The following UBAP2 variants were observed in gnomAD, a reference collection of about 807,000 sequenced individuals.
UBAP2 encodes ubiquitin associated protein 2.
UBAP2 carries 75 observed loss-of-function variants against 139.6 expected under a neutral mutation model. The observed-to-expected ratio is 0.54, with a 90% CI of 0.45 to 0.65. The LOEUF is 0.65. Among genes scored for constraint, UBAP2 ranks in the 30% least tolerant of loss-of-function variants. UBAP2 has a pLI of 0.00. For missense variants in UBAP2, 1,368 were observed against 1,369.6 expected (o/e 1.00, Z 0.02); for synonymous variants, 526 against 526.2 (o/e 1.00, Z 0.01).
intron 12 of UBAP2, among the ~76,000 whole-genome samples, chr9:33,951,241 T>TA (rs1372214255): frequency 6.6e-6 from 1 of 151,750 alleles, no homozygotes; most frequent in African/African-American, 2.4e-5. Context: ...GGTCTCAAAT[T>TA]CCTGGCATCT....
In UBAP2 at chr9:33,996,207, A is replaced by C; in HGVS notation, c.288+16T>G. Reference sequence around the variant, plus strand: ...GAGACAAATGTAAACAATGCAAATCAATTAATAATACTTACTGTGTCTGAA... The same window carrying C: ...GAGACAAATGTAAACAATGCAAATCCATTAATAATACTTACTGTGTCTGAA... On this transcript the variant is annotated intron_variant, in intron 4 of 28. Coordinates refer to ENST00000379238, the MANE Select transcript of UBAP2 (RefSeq NM_001370062.2). The C allele has an allele frequency of 1.0e-5, 16 of 1,577,634 alleles. No individual in the cohort carries two copies. Among genetic ancestry groups the C allele is most frequent in the Non-Finnish European group, 1.4e-5 (16 of 1,149,672 alleles).
intron 6 of UBAP2, among the ~76,000 whole-genome samples, chr9:33,976,299 A>G (rs1239250774): frequency 6.6e-6 from 1 of 152,252 alleles, no homozygotes; most frequent in African/African-American, 2.4e-5. Flanking sequence ...ACATTATATT[A>G]TATTGCCATA....
At chr9:34,008,305 C>T (rs562618088) in intron 2 of UBAP2, among the ~76,000 whole-genome samples, 4 of 129,400 alleles carry the variant, frequency 3.1e-5, no homozygotes, top group African/African-American at 1.3e-4. Flanking sequence ...GCAACAAGAG[C>T]GAAACTCCGT....
In UBAP2 at chr9:33,936,439, G is replaced by A. The variant is rs577341080; in HGVS notation, c.1930-561C>T. 9.2e-5 allele frequency among the ~76,000 whole-genome samples: 14 copies of A among 151,936 alleles called. 1 individual carries two copies. Among genetic ancestry groups the A allele is most frequent in the East Asian group, 3.9e-4 (2 of 5,162 alleles). ...CTCCCAAGTAGCTGGGATTACAGGC[G>A]CGCACCACTACACCAGGCTAATGTT... On this transcript the variant is annotated intron_variant, in intron 16 of 28. Transcript: ENST00000379238.
chr9:33,923,054 T>TC (rs1823059325), intron 26 of UBAP2, 21 bp from the exon 27 acceptor site: 3 of 1,613,884 alleles, frequency 1.9e-6, no homozygotes, highest in Non-Finnish European at 1.7e-6. Flanking sequence ...AAGCAGTTGT[T>TC]CCCCACAGCA....
chr9:34,038,987 TGAG>T (rs1170167108), intron 1 of UBAP2, among the ~76,000 whole-genome samples: 3 of 146,952 alleles, frequency 2.0e-5, no homozygotes, highest in South Asian at 2.2e-4. Context: ...GTCTGGGAGT[TGAG>T]GAGCGTCTCT....
At chr9:33,929,750 C>G (rs2130872232) in intron 19 of UBAP2, among the ~76,000 whole-genome samples, 1 of 152,280 alleles carries the variant, frequency 6.6e-6, no homozygotes, top group Middle Eastern at 3.4e-3. Context: ...GCCTGTAATC[C>G]CAGCACTTTG....
intron 3 of UBAP2, 75 bp from the exon 4 acceptor site, chr9:33,996,408 T>C (rs1452593048): frequency 2.1e-6 from 2 of 933,192 alleles, no homozygotes; most frequent in Non-Finnish European, 3.5e-6. Context: ...TCTATACAAA[T>C]ACAGAATTAC....
At chr9:33,992,676 A>AG (rs1286526725) in intron 4 of UBAP2, among the ~76,000 whole-genome samples, 2 of 150,118 alleles carry the variant, frequency 1.3e-5, no homozygotes, top group Non-Finnish European at 1.5e-5. Context: ...GGGCACAAAT[A>AG]GGGAAAAGAA....
intron 3 of UBAP2, chr9:33,996,554 C>T: frequency 2.2e-6 from 1 of 460,714 alleles, no homozygotes; most frequent in Non-Finnish European, 3.8e-6. Flanking sequence ...AATCAATCTT[C>T]CTCCAAGTTG....
At chr9:33,926,574 A>C in intron 22 of UBAP2, 43 bp downstream of exon 22, 1 of 1,612,196 alleles carries the variant, frequency 6.2e-7, no homozygotes, top group East Asian at 2.2e-5. Flanking sequence ...GACATGTAAA[A>C]GATTCTGAAC....
At chr9:34,039,406 T>C (rs1826830332) in intron 1 of UBAP2, among the ~76,000 whole-genome samples, 1 of 152,142 alleles carries the variant, frequency 6.6e-6, no homozygotes, top group Non-Finnish European at 1.5e-5. Flanking sequence ...TTTTGTCGAA[T>C]AGAAAAGGGG....
chr9:34,020,970 G>C (rs1369610478), intron 1 of UBAP2, among the ~76,000 whole-genome samples: 1 of 152,064 alleles, frequency 6.6e-6, no homozygotes, highest in Non-Finnish European at 1.5e-5. Context: ...TTCTAGAACG[G>C]TCAGTTTTAG....
chr9:33,934,221 GA>G (rs1328931440), intron 17 of UBAP2: 2 of 158,086 alleles, frequency 1.3e-5, no homozygotes, highest in East Asian at 3.8e-4. Context: ...GTATGTGCTT[GA>G]ATAGATGTAT....
chr9:34,043,312 C>A (rs1009667607), intron 1 of UBAP2, among the ~76,000 whole-genome samples: 3 of 151,508 alleles, frequency 2.0e-5, no homozygotes, highest in African/African-American at 7.3e-5. Flanking sequence ...GCTGGGACTA[C>A]AAGCACACCA....
intron 6 of UBAP2, among the ~76,000 whole-genome samples, chr9:33,984,491 C>T (rs1431933506): frequency 1.3e-5 from 2 of 150,972 alleles, no homozygotes; most frequent in African/African-American, 4.9e-5. Flanking sequence ...TGCAAGACCC[C>T]ATCTCTTAAA....
chr9:34,043,812 A>T (rs1396987006), intron 1 of UBAP2, among the ~76,000 whole-genome samples: 50 of 133,250 alleles, frequency 3.8e-4, no homozygotes, highest in Non-Finnish European at 1.1e-4. Flanking sequence ...TTTTTTTTTT[A>T]AACATATACT....
rs375393725 is a variant in UBAP2 at position 34,031,234 on chromosome 9, A to G, written c.-41-14045T>C. ...GGAGGTTGCAGTGAGTTGAGATCGC[A>G]CTACTGCACTCCAGCCTGTGCTACA... On this transcript the variant is annotated intron_variant, in intron 1 of 28. Coordinates refer to ENST00000379238, the MANE Select transcript of UBAP2 (RefSeq NM_001370062.2). Among the ~76,000 whole-genome samples, 72 of 150,352 alleles carry G rather than the reference A, an allele frequency of 4.8e-4. 1 individual carries two copies. In the East Asian group the frequency reaches 0.013, roughly 27 times the overall value.
At chr9:34,027,595 C>T (rs141087033) in intron 1 of UBAP2, among the ~76,000 whole-genome samples, 6 of 151,442 alleles carry the variant, frequency 4.0e-5, no homozygotes, top group Admixed American at 6.6e-5. Context: ...CGGTGGCTCA[C>T]GCCTGTAATC....
Sources: gnomAD v4.1 joint callset for allele counts (sites outside exome capture counted in the v4.1 genomes callset) on GRCh38, gnomAD v4.1.1 for gene constraint, MANE v1.5 for transcripts, NCBI Gene and HGNC (gene_info 2026-07-23, HGNC 2026-07-21) for gene names.